TNN: variants seen among roughly 807,000 people sequenced by gnomAD.
The protein encoded by TNN is tenascin-N.
Under a neutral mutation model 134.4 loss-of-function variants are expected in TNN, and 122 were observed. That is an observed-to-expected ratio of 0.91 (90% confidence interval 0.78 to 1.06). TNN has a LOEUF of 1.06. TNN is among the 50% of genes least tolerant of loss of function. TNN has a pLI of 0.00. For synonymous variants in TNN, 710 were observed against 670.3 expected (o/e 1.06, Z -0.91); for missense variants, 1,739 against 1,699.4 (o/e 1.02, Z -0.41).
At chr1:175,131,323 A>T (rs776504556) in intron 15 of TNN, among the ~76,000 whole-genome samples, 1 of 152,218 alleles carries the variant, frequency 6.6e-6, no homozygotes, top group Non-Finnish European at 1.5e-5. Flanking sequence ...CAGACATTTC[A>T]ATGCAAGTTT....
intron 12 of TNN, among the ~76,000 whole-genome samples, chr1:175,125,699 TTC>T (rs142973712): frequency 0.26 from 14,763 of 55,848 alleles, 1,784 homozygotes; most frequent in South Asian, 0.29. Context: ...TCTCTCTTTT[TTC>T]TCTCTTTCTT....
chr1:175,079,099 C>T (rs1176601224), intron 2 of TNN, among the ~76,000 whole-genome samples: 8 of 152,158 alleles, frequency 5.3e-5, no homozygotes, highest in Non-Finnish European at 1.0e-4. Flanking sequence ...AAGAAGGAGA[C>T]GTTTGCAGAT....
chr1:175,100,279 C>T (rs377599961), intron 9 of TNN, among the ~76,000 whole-genome samples: 2 of 152,204 alleles, frequency 1.3e-5, no homozygotes, highest in East Asian at 1.9e-4. Context: ...ATGTCTCCCC[C>T]TATCCCACAC....
In TNN at chr1:175,118,847, C is replaced by A; in HGVS notation, c.2650+23C>A. 1.9e-6 allele frequency: 3 copies of A among 1,613,110 alleles called. No homozygotes were observed. The Middle Eastern group carries it at 5.0e-4, about 266-fold the overall frequency. ...CAGGTAATAGAAGTGAAGAGAAGAG[C>A]AAACCCGGGTAGTAGCTGCAGGTTG... On this transcript the variant is annotated intron_variant, in intron 11 of 18. Coordinates refer to ENST00000239462, the MANE Select transcript of TNN (RefSeq NM_022093.2).
Position 175,118,619 on chromosome 1 carries a change from C to G in TNN, c.2445C>G (p.Val815=), listed in dbSNP as rs755100819. 6.2e-7 allele frequency: 1 copy of G among 1,614,064 alleles called. No homozygotes were observed. Among genetic ancestry groups the G allele is most frequent in the African/African-American group, 1.3e-5 (1 of 74,920 alleles). ...GGGTGACAGAGAATACAGCCACTGTCTCCTGGGACCCGGTGCAGGCCACCA... is the reference window on the plus strand; with the variant it reads ...GGGTGACAGAGAATACAGCCACTGTGTCCTGGGACCCGGTGCAGGCCACCA... The part of the protein sequence containing the change: ...TDWVTENTAT[V]SWDPVQATID... The change falls in exon 11 of 19, where the codon GTC becomes GTG. Residue 815 remains valine (V), a synonymous_variant. Transcript: ENST00000239462.
chr1:175,089,123 G>A (rs141513489), intron 6 of TNN, among the ~76,000 whole-genome samples: 382 of 152,286 alleles, frequency 2.5e-3, no homozygotes, highest in Middle Eastern at 3.4e-3. Flanking sequence ...GTAATTTATA[G>A]GGTCAGGAAA....
chr1:175,116,217 C>T (rs1203310898), intron 9 of TNN, among the ~76,000 whole-genome samples: 1 of 151,876 alleles, frequency 6.6e-6, no homozygotes, highest in South Asian at 2.1e-4. Flanking sequence ...TTTTTCCCTG[C>T]CTTTTTTTTC....
At chr1:175,121,209 T>C (rs1194905465) in intron 11 of TNN, among the ~76,000 whole-genome samples, 4 of 152,250 alleles carry the variant, frequency 2.6e-5, no homozygotes, top group African/African-American at 9.6e-5. Flanking sequence ...TAGAATACTT[T>C]CATCATTGCA....
At chr1:175,077,358 T>C (rs2149426066) in intron 1 of TNN, 26 bp from the exon 2 acceptor site, 1 of 1,524,886 alleles carries the variant, frequency 6.6e-7, no homozygotes, top group South Asian at 1.3e-5. Flanking sequence ...CTCCGTGGCT[T>C]TCTTTTGCAA....
intron 11 of TNN, 131 bp downstream of exon 11, chr1:175,118,955 T>A: frequency 7.9e-7 from 1 of 1,267,714 alleles, no homozygotes; most frequent in Non-Finnish European, 1.1e-6. Flanking sequence ...GAGTTTGCTG[T>A]AAAAACAAAA....
intron 9 of TNN, among the ~76,000 whole-genome samples, chr1:175,104,016 T>C (rs996593411): frequency 2.1e-5 from 3 of 146,110 alleles, no homozygotes; most frequent in Non-Finnish European, 3.0e-5. Flanking sequence ...CCCATATTTA[T>C]GTAGATAATA....
chr1:175,110,855 TC>T (rs1198053646), intron 9 of TNN, among the ~76,000 whole-genome samples: 1 of 152,236 alleles, frequency 6.6e-6, no homozygotes, highest in African/African-American at 2.4e-5. Context: ...TTTGGGGTCT[TC>T]TGTGGTTCCA....
rs747032185 is a variant in TNN, at chr1:175,126,949, G to A, written c.2915-6G>A. The A allele has an allele frequency of 1.5e-5, 24 of 1,606,310 alleles. No homozygotes were observed. The highest frequency in any genetic ancestry group is 4.5e-5 in the South Asian group (4 of 89,238). ...TAATAACAATTACCTGACTTTCTAC[G>A]TACAGAACTCGACCCTCCCAGAAAC... On this transcript the variant is annotated splice_region_variant and splice_polypyrimidine_tract_variant and intron_variant, in intron 12 of 18. Transcript: ENST00000239462.
intron 4 of TNN, among the ~76,000 whole-genome samples, chr1:175,082,089 G>A (rs1173227659): frequency 6.6e-6 from 1 of 152,180 alleles, no homozygotes; most frequent in Non-Finnish European, 1.5e-5. Context: ...ATGTTCAATA[G>A]GAGACACCAA....
intron 1 of TNN, among the ~76,000 whole-genome samples, chr1:175,076,671 G>C (rs989355911): frequency 1.3e-5 from 2 of 152,164 alleles, no homozygotes; most frequent in Non-Finnish European, 2.9e-5. Context: ...AGTGGACTTG[G>C]GTCTGAGTAC....
chr1:175,126,258 T>C (rs6674993), intron 12 of TNN, among the ~76,000 whole-genome samples: 127,058 of 151,520 alleles, frequency 0.84, 53,381 homozygotes, highest in Non-Finnish European at 0.85. Context: ...ACCACCACCA[T>C]ACCCGGCTAA....
chr1:175,090,755 A>G (rs1487821898), intron 6 of TNN, among the ~76,000 whole-genome samples: 1 of 149,022 alleles, frequency 6.7e-6, no homozygotes, highest in Non-Finnish European at 1.5e-5. Flanking sequence ...TGCAAATTAG[A>G]TCTCTTTGAA....
chr1:175,143,187 C>T (rs1205499548), intron 17 of TNN, among the ~76,000 whole-genome samples: 2 of 152,206 alleles, frequency 1.3e-5, no homozygotes, highest in Admixed American at 6.5e-5. Context: ...CCCCACGGGA[C>T]TAAGAGCTGC....
intron 9 of TNN, among the ~76,000 whole-genome samples, chr1:175,111,290 C>A (rs1379178914): frequency 1.3e-5 from 2 of 151,874 alleles, no homozygotes; most frequent in African/African-American, 2.4e-5. Context: ...TGCACTCCAG[C>A]CTGGGCAACA....
Sources: gnomAD v4.1 joint callset for allele counts (sites outside exome capture counted in the v4.1 genomes callset) on GRCh38, gnomAD v4.1.1 for gene constraint, MANE v1.5 for transcripts, NCBI Gene and HGNC (gene_info 2026-07-23, HGNC 2026-07-21) for gene names.